CADM1: variants seen among roughly 807,000 people sequenced by gnomAD.
CADM1 encodes cell adhesion molecule 1.
CADM1 carries 15 observed loss-of-function variants against 53.1 expected under a neutral mutation model. That is an observed-to-expected ratio of 0.28 (90% CI 0.19 to 0.44). CADM1 has a LOEUF of 0.44. CADM1 is among the 20% of genes least tolerant of loss of function. The probability of loss-of-function intolerance (pLI) is 1.00; values close to 1 mark genes in which losing one functional copy is unlikely to be tolerated. For synonymous variants in CADM1, 281 were observed against 243.0 expected (o/e 1.16, Z -1.45); for missense variants, 434 against 611.3 (o/e 0.71, Z 3.06).
intron 1 of CADM1, among the ~76,000 whole-genome samples, chr11:115,257,873 T>A (rs931790265): frequency 2.6e-5 from 4 of 152,150 alleles, no homozygotes; most frequent in Non-Finnish European, 5.9e-5. Context: ...GCTGGGCCCT[T>A]CCCAGGGTTT....
chr11:115,359,287 A>G (rs1945965346), intron 1 of CADM1, among the ~76,000 whole-genome samples: 1 of 152,186 alleles, frequency 6.6e-6, no homozygotes, highest in Non-Finnish European at 1.5e-5. Flanking sequence ...TCCCTTTAGC[A>G]GATTATTAAG....
At chr11:115,329,647 C>G (rs1945080085) in intron 1 of CADM1, among the ~76,000 whole-genome samples, 1 of 152,132 alleles carries the variant, frequency 6.6e-6, no homozygotes, top group Non-Finnish European at 1.5e-5. Context: ...TCTTTTAGCT[C>G]TGCTGTCCAC....
Position 115,200,020 on chromosome 11 carries a change from C to T in CADM1, c.1079-1582G>A, listed in dbSNP as rs139512357. 5.6e-3 allele frequency among the ~76,000 whole-genome samples: 851 copies of T among 152,294 alleles called. 10 individuals carry two copies. Among genetic ancestry groups the T allele is most frequent in the African/African-American group, 0.019 (795 of 41,554 alleles). ...ATGAATTCACACCGGCATTCCCCTT[C>T]AGTTGGCATGCTTTCCAGAGGATCC... On this transcript the variant is annotated intron_variant, in intron 8 of 11. Transcript: ENST00000331581.
At chr11:115,251,208 G>A (rs1942593722) in intron 1 of CADM1, among the ~76,000 whole-genome samples, 1 of 152,218 alleles carries the variant, frequency 6.6e-6, no homozygotes, top group Non-Finnish European at 1.5e-5. Context: ...GGCATTTACA[G>A]TACCTGCCTC....
chr11:115,261,116 G>T (rs148760332), intron 1 of CADM1, among the ~76,000 whole-genome samples: 1 of 152,080 alleles, frequency 6.6e-6, no homozygotes, highest in African/African-American at 2.4e-5. Flanking sequence ...CATGAGGTAG[G>T]CTAAATGTCA....
At chr11:115,381,850 G>A (rs1188733634) in intron 1 of CADM1, among the ~76,000 whole-genome samples, 1 of 151,830 alleles carries the variant, frequency 6.6e-6, no homozygotes, top group Non-Finnish European at 1.5e-5. Flanking sequence ...TCTAATAATA[G>A]GATTTTTTTT....
chr11:115,390,942 A>C (rs1006780853), intron 1 of CADM1, among the ~76,000 whole-genome samples: 2 of 152,188 alleles, frequency 1.3e-5, no homozygotes, highest in South Asian at 2.1e-4. Context: ...TTCATTTAAA[A>C]CTTATGTGAG....
At chr11:115,340,933 C>T (rs1057481126) in intron 1 of CADM1, among the ~76,000 whole-genome samples, 53 of 151,574 alleles carry the variant, frequency 3.5e-4, no homozygotes, top group Admixed American at 1.3e-3. Flanking sequence ...GGATTACAGG[C>T]ATGAGCCCAC....
At chr11:115,291,063 C>T (rs767964657) in intron 1 of CADM1, among the ~76,000 whole-genome samples, 2 of 152,258 alleles carry the variant, frequency 1.3e-5, no homozygotes, top group South Asian at 4.1e-4. Context: ...GAAAGGATTA[C>T]TATAGCAACA....
At chr11:115,308,194 G>GTATATATATATATATATATATA (rs560354243) in intron 1 of CADM1, among the ~76,000 whole-genome samples, 3 of 123,976 alleles carry the variant, frequency 2.4e-5, no homozygotes, top group African/African-American at 9.0e-5. Context: ...TCATAGGTGT[G>GTATATATATATATATATATATA]TATATATATA....
chr11:115,325,723 G>A (rs1591710007), intron 1 of CADM1, among the ~76,000 whole-genome samples: 1 of 152,082 alleles, frequency 6.6e-6, no homozygotes, highest in Non-Finnish European at 1.5e-5. Flanking sequence ...AGAATGCCAG[G>A]CTCACTGGAG....
chr11:115,270,926 T>G (rs985892006), intron 1 of CADM1, among the ~76,000 whole-genome samples: 17 of 152,216 alleles, frequency 1.1e-4, no homozygotes, highest in Non-Finnish European at 2.4e-4. Context: ...TGTGAACCAC[T>G]GGGAGTTTAT....
At chr11:115,253,238 G>A (rs1010198672) in intron 1 of CADM1, among the ~76,000 whole-genome samples, 7 of 151,428 alleles carry the variant, frequency 4.6e-5, no homozygotes, top group African/African-American at 1.5e-4. Context: ...TAGCCTGTTC[G>A]GCTTGCACGT....
At chr11:115,380,751 G>A (rs938195859) in intron 1 of CADM1, among the ~76,000 whole-genome samples, 5 of 152,052 alleles carry the variant, frequency 3.3e-5, no homozygotes, top group Non-Finnish European at 7.4e-5. Context: ...ATGATCATAC[G>A]TGTATGCTGA....
chr11:115,426,506 C>T (rs945760070), intron 1 of CADM1, among the ~76,000 whole-genome samples: 1 of 152,106 alleles, frequency 6.6e-6, no homozygotes, highest in Non-Finnish European at 1.5e-5. Flanking sequence ...TTTATTTTTA[C>T]CCCTGTGCTC....
Position 115,387,900 on chromosome 11 carries a change from TA to T in CADM1, c.124+116370del, listed in dbSNP as rs575681501. Among the ~76,000 whole-genome samples, 44 of 144,330 alleles carry T rather than the reference TA, an allele frequency of 3.0e-4. No homozygotes were observed. The South Asian group carries it at 4.2e-3, about 14-fold the overall frequency. The allele number at this position is 144,330 out of a possible 152,430, so 94.7% of individuals were successfully genotyped here. On this transcript the variant is annotated intron_variant, in intron 1 of 11. Coordinates refer to ENST00000331581, the MANE Select transcript of CADM1 (RefSeq NM_001301043.2). The stretch of plus-strand genomic sequence containing the variant: ...ATTGGTTTCTAATACCTTTCTCCTC[TA>T]AAAAAAAAACAAACAAACAAACAAA...
rs531209103 is a variant in CADM1 at position 115,371,407 on chromosome 11, A to G, written c.125-130987T>C. ...ACAGATATATACAATAAGCTCTACA[A>G]CAACCACTAAAACAAAGAATTACAG... On this transcript the variant is annotated intron_variant, in intron 1 of 11. Transcript: ENST00000331581. Among the ~76,000 whole-genome samples, 8 of 152,226 alleles carry G rather than the reference A, an allele frequency of 5.3e-5. No homozygotes were observed. In the East Asian group the frequency reaches 1.2e-3, roughly 22 times the overall value.
At chr11:115,386,565 T>A (rs1419398958) in intron 1 of CADM1, among the ~76,000 whole-genome samples, 5 of 152,216 alleles carry the variant, frequency 3.3e-5, no homozygotes, top group Admixed American at 3.3e-4. Flanking sequence ...GCTCAGGGCA[T>A]CACATGGTGA....
intron 1 of CADM1, among the ~76,000 whole-genome samples, chr11:115,407,546 C>G (rs564759756): frequency 6.6e-6 from 1 of 152,070 alleles, no homozygotes; most frequent in Non-Finnish European, 1.5e-5. Flanking sequence ...AAAAATCCAG[C>G]CAAGAGGACC....
Sources: allele counts gnomAD v4.1 joint callset (sites outside exome capture counted in the v4.1 genomes callset), GRCh38; gene constraint gnomAD v4.1.1; transcripts MANE v1.5; gene names NCBI Gene and HGNC (gene_info 2026-07-23, HGNC 2026-07-21).